Variants in RANBP17 observed in about 807,000 individuals in gnomAD.
RANBP17 encodes the protein RAN binding protein 17, also known as ran-binding protein 17.
Under a neutral mutation model 141.2 loss-of-function variants are expected in RANBP17, and 158 were observed. The observed-to-expected ratio is 1.12, with a 90% confidence interval of 0.98 to 1.28. The LOEUF is 1.28. RANBP17 is among the 50% of genes most tolerant of loss of function. The probability of loss-of-function intolerance (pLI) is 0.00; values close to 1 mark genes in which losing one functional copy is unlikely to be tolerated. For missense variants in RANBP17, 1,438 were observed against 1,290.7 expected (o/e 1.11, Z -1.75); for synonymous variants, 430 against 450.0 (o/e 0.96, Z 0.56).
At chr5:171,056,049 A>G (rs1350346465) in intron 14 of RANBP17, among the ~76,000 whole-genome samples, 4 of 152,182 alleles carry the variant, frequency 2.6e-5, no homozygotes, top group Non-Finnish European at 1.5e-5. Context: ...ACTTTATTCA[A>G]TTGTTTAAAG....
chr5:170,888,889 A>C (rs974278877), intron 3 of RANBP17, among the ~76,000 whole-genome samples: 6 of 152,020 alleles, frequency 3.9e-5, no homozygotes, highest in African/African-American at 1.4e-4. Context: ...TAGTTTGCTG[A>C]GAGTTTTCAT....
At chr5:170,987,964 A>C (rs1267131548) in intron 14 of RANBP17, among the ~76,000 whole-genome samples, 2 of 151,596 alleles carry the variant, frequency 1.3e-5, no homozygotes, top group Non-Finnish European at 3.0e-5. Flanking sequence ...ATTATTTGAC[A>C]TCAAATCTTG....
intron 14 of RANBP17, among the ~76,000 whole-genome samples, chr5:171,044,166 C>G (rs921226183): frequency 1.3e-4 from 19 of 151,996 alleles, no homozygotes; most frequent in African/African-American, 4.3e-4. Flanking sequence ...TTTCTTTCCC[C>G]TGGTGCCTAT....
At chr5:171,075,679 G>A (rs547513100) in intron 14 of RANBP17, among the ~76,000 whole-genome samples, 15 of 152,286 alleles carry the variant, frequency 9.8e-5, no homozygotes, top group South Asian at 6.2e-4. Context: ...TAGGCCAGGC[G>A]TGGTGGCTCA....
intron 21 of RANBP17, among the ~76,000 whole-genome samples, chr5:171,215,413 A>G (rs143491531): frequency 0.01 from 1,567 of 152,304 alleles, 21 homozygotes; most frequent in African/African-American, 0.032. Context: ...CCTTTGGTAT[A>G]TACCCAGTAA....
chr5:171,089,271 G>A lies in RANBP17; in HGVS notation c.1711-80859G>A, dbSNP rs1268564328. Among the ~76,000 whole-genome samples the A allele has an allele frequency of 3.0e-4, 29 of 97,980 alleles. 3 individuals are homozygous for A. The highest frequency in any genetic ancestry group is 4.3e-4 in the African/African-American group (14 of 32,278). 64.3% of individuals were successfully genotyped at this position (97,980 alleles called of 152,430 possible). On this transcript the variant is annotated intron_variant, in intron 14 of 27. Transcript: ENST00000523189. ...GGGGGGCCTCCCAGTTAGGCTGCTC[G>A]GGGGTCACGGGTCAGGGACCCACTT... is the stretch of plus-strand genomic sequence containing the variant.
intron 14 of RANBP17, among the ~76,000 whole-genome samples, chr5:171,015,745 T>C (rs1367974982): frequency 6.6e-6 from 1 of 152,160 alleles, no homozygotes; most frequent in Non-Finnish European, 1.5e-5. Flanking sequence ...TTTTAAACTT[T>C]ATTATGCGAA....
At chr5:170,961,489 A>G (rs1246918898) in intron 13 of RANBP17, among the ~76,000 whole-genome samples, 1 of 152,230 alleles carries the variant, frequency 6.6e-6, no homozygotes, top group Non-Finnish European at 1.5e-5. Context: ...GAAACTGGGA[A>G]TGGATATTAT....
At chr5:171,003,978 A>G (rs149820449) in intron 14 of RANBP17, among the ~76,000 whole-genome samples, 220 of 152,362 alleles carry the variant, frequency 1.4e-3, no homozygotes, top group African/African-American at 4.7e-3. Flanking sequence ...TTTGGTTGAT[A>G]AGGCACAGAT....
intron 16 of RANBP17, among the ~76,000 whole-genome samples, chr5:171,171,810 G>A (rs77255510): frequency 0.013 from 1,991 of 151,948 alleles, 41 homozygotes; most frequent in African/African-American, 0.046. Flanking sequence ...CCATTTCTTT[G>A]ATTATTGCCC....
intron 14 of RANBP17, among the ~76,000 whole-genome samples, chr5:171,068,073 A>G (rs1784413750): frequency 6.6e-6 from 1 of 151,060 alleles, no homozygotes; most frequent in Non-Finnish European, 1.5e-5. Context: ...ATTTTTCTTC[A>G]TCCTTTTTCT....
At chr5:171,268,403 A>C (rs1251030506) in intron 25 of RANBP17, among the ~76,000 whole-genome samples, 1 of 152,166 alleles carries the variant, frequency 6.6e-6, no homozygotes, top group Non-Finnish European at 1.5e-5. Context: ...TTGGAATTTG[A>C]AGCAAGGTCT....
chr5:170,950,720 C>A (rs908257539), intron 12 of RANBP17, among the ~76,000 whole-genome samples: 2 of 152,136 alleles, frequency 1.3e-5, no homozygotes, highest in African/African-American at 4.8e-5. Context: ...CCAGCAATCC[C>A]AATACTGGGC....
At chr5:171,163,154 CAA>C (rs1011419002) in intron 14 of RANBP17, among the ~76,000 whole-genome samples, 21 of 152,210 alleles carry the variant, frequency 1.4e-4, no homozygotes, top group Middle Eastern at 3.4e-3. Flanking sequence ...GTTTTAAAAT[CAA>C]ATTCTGGCAA....
intron 21 of RANBP17, among the ~76,000 whole-genome samples, chr5:171,217,077 T>C (rs955591066): frequency 6.6e-6 from 1 of 152,216 alleles, no homozygotes; most frequent in Admixed American, 6.5e-5. Context: ...TATTTTGAGA[T>C]ATGTTCCGTC....
chr5:171,039,305 T>C (rs141585698), intron 14 of RANBP17, among the ~76,000 whole-genome samples: 1 of 151,818 alleles, frequency 6.6e-6, no homozygotes, highest in East Asian at 1.9e-4. Context: ...GACATGGTTT[T>C]GATTTGCTTC....
At chr5:171,029,743 C>T (rs961479682) in intron 14 of RANBP17, among the ~76,000 whole-genome samples, 1 of 151,752 alleles carries the variant, frequency 6.6e-6, no homozygotes. Flanking sequence ...GACAAAATAG[C>T]CTCTTATTTT....
intron 10 of RANBP17, among the ~76,000 whole-genome samples, 179 bp from the exon 11 acceptor site, chr5:170,919,262 T>TA (rs1772231046): frequency 6.6e-6 from 1 of 152,058 alleles, no homozygotes; most frequent in Non-Finnish European, 1.5e-5. Context: ...GGTAAAATAA[T>TA]AGAGATGTTG....
intron 13 of RANBP17, among the ~76,000 whole-genome samples, chr5:170,960,698 C>T (rs572332474): frequency 1.3e-5 from 2 of 152,158 alleles, no homozygotes; most frequent in Non-Finnish European, 2.9e-5. Context: ...AGTAATCTTT[C>T]TAAAGTACAG....
Sources: allele counts gnomAD v4.1 joint callset (sites outside exome capture counted in the v4.1 genomes callset), GRCh38; gene constraint gnomAD v4.1.1; transcripts MANE v1.5; gene names NCBI Gene and HGNC (gene_info 2026-07-23, HGNC 2026-07-21).